EYS: variants seen among roughly 807,000 people sequenced by gnomAD.
EYS encodes protein eyes shut homolog.
A neutral mutation model predicts 282.1 loss-of-function variants in EYS; 250 were observed. The ratio of observed to expected loss-of-function variants is 0.89; its 90% CI spans 0.80 to 0.98. The LOEUF is 0.98. Among genes scored for constraint, EYS ranks in the 50% least tolerant of loss-of-function variants. The pLI is 0.00. For synonymous variants in EYS, 1,355 were observed against 1,282.9 expected (o/e 1.06, Z -1.20); for missense variants, 4,016 against 3,709.0 (o/e 1.08, Z -2.15).
chr6:65,326,944 C>A (rs968094776), intron 11 of EYS, among the ~76,000 whole-genome samples: 4 of 151,512 alleles, frequency 2.6e-5, no homozygotes, highest in African/African-American at 4.8e-5. Flanking sequence ...TTTTTTAAAT[C>A]AATTCTTTTA....
At chr6:63,919,942 C>A (rs144390496) in intron 35 of EYS, among the ~76,000 whole-genome samples, 4 of 152,156 alleles carry the variant, frequency 2.6e-5, no homozygotes, top group East Asian at 1.9e-4. Flanking sequence ...TGTGGCTCTA[C>A]GTAAATTGCG....
chr6:65,553,242 G>C (rs1487515244), intron 2 of EYS, among the ~76,000 whole-genome samples: 1 of 152,162 alleles, frequency 6.6e-6, no homozygotes, highest in Admixed American at 6.5e-5. Context: ...ATTGTAATGT[G>C]AAAAGGATTC....
At chr6:65,387,403 G>T (rs865791662) in intron 7 of EYS, among the ~76,000 whole-genome samples, 1 of 151,594 alleles carries the variant, frequency 6.6e-6, no homozygotes, top group Non-Finnish European at 1.5e-5. Context: ...ATAAAAATCA[G>T]TGAAACAATA....
At chr6:63,900,747 T>C (rs946144986) in intron 35 of EYS, among the ~76,000 whole-genome samples, 1 of 152,222 alleles carries the variant, frequency 6.6e-6, no homozygotes, top group African/African-American at 2.4e-5. Context: ...TTTTTTTTTC[T>C]TTGCTGAATG....
chr6:65,345,880 G>GA (rs926725936), intron 9 of EYS, among the ~76,000 whole-genome samples: 128 of 150,616 alleles, frequency 8.5e-4, no homozygotes, highest in African/African-American at 2.7e-3. Flanking sequence ...ATATAATTAT[G>GA]AAAAAAAAAT....
intron 2 of EYS, among the ~76,000 whole-genome samples, chr6:65,559,006 T>C (rs1285754923): frequency 1.3e-5 from 2 of 152,098 alleles, no homozygotes; most frequent in Non-Finnish European, 2.9e-5. Context: ...GTTAATATTA[T>C]ACAAAATCCA....
chr6:65,618,272 G>A (rs1415961818), intron 2 of EYS, among the ~76,000 whole-genome samples: 1 of 152,250 alleles, frequency 6.6e-6, no homozygotes, highest in South Asian at 2.1e-4. Flanking sequence ...GTATCACATT[G>A]TGGTTTTGGT....
At chr6:63,941,569 A>C (rs1765240581) in intron 35 of EYS, among the ~76,000 whole-genome samples, 1 of 152,182 alleles carries the variant, frequency 6.6e-6, no homozygotes. Flanking sequence ...AGTTCTTTGT[A>C]GATTCTGGAT....
chr6:64,877,009 A>T (rs969808602), intron 19 of EYS, among the ~76,000 whole-genome samples: 1 of 152,274 alleles, frequency 6.6e-6, no homozygotes, highest in African/African-American at 2.4e-5. Flanking sequence ...TTAACATCAG[A>T]AGAGGGAAGA....
chr6:64,031,393 A>C (rs1300418330), intron 33 of EYS, among the ~76,000 whole-genome samples: 1 of 152,150 alleles, frequency 6.6e-6, no homozygotes, highest in Non-Finnish European at 1.5e-5. Flanking sequence ...TGCCTGAGCC[A>C]CACCCCCAAC....
chr6:65,108,563 T>A (rs1400007871), intron 12 of EYS, among the ~76,000 whole-genome samples: 2 of 152,172 alleles, frequency 1.3e-5, no homozygotes, highest in African/African-American at 4.8e-5. Context: ...GGGTTTCTGG[T>A]GAAAAAGACA....
At chr6:64,392,692 A>G (rs1350244162) in intron 28 of EYS, among the ~76,000 whole-genome samples, 2 of 149,322 alleles carry the variant, frequency 1.3e-5, no homozygotes, top group African/African-American at 4.9e-5. Context: ...TGCAAAATTG[A>G]CACCCTAACA....
intron 22 of EYS, among the ~76,000 whole-genome samples, chr6:64,740,329 G>C (rs1236727989): frequency 6.6e-6 from 1 of 151,968 alleles, no homozygotes; most frequent in East Asian, 1.9e-4. Context: ...TTATACTTCA[G>C]TATTAGGTCA....
chr6:65,429,039 G>T (rs1003130691), intron 5 of EYS, among the ~76,000 whole-genome samples: 7 of 152,086 alleles, frequency 4.6e-5, no homozygotes, highest in African/African-American at 1.4e-4. Flanking sequence ...AATTAGCCGG[G>T]CATGGTGGCA....
At chr6:63,760,305 A>T (rs139520932) in intron 41 of EYS, among the ~76,000 whole-genome samples, 1 of 152,182 alleles carries the variant, frequency 6.6e-6, no homozygotes, top group African/African-American at 2.4e-5. Context: ...TATAGTTGTA[A>T]ATCATAAGTT....
chr6:65,530,341 T>C (rs562807869), intron 2 of EYS, among the ~76,000 whole-genome samples: 8 of 152,176 alleles, frequency 5.3e-5, no homozygotes, highest in Admixed American at 1.3e-4. Flanking sequence ...CAATGGCCTG[T>C]GGGACTCCAA....
chr6:64,044,783 T>G lies in EYS; in HGVS notation c.6725+21555A>C, dbSNP rs1018739699. ...TTTATGGTGAGAACATATGATTTAC[T>G]ATGCCAAGCTGTTTTGTTGATTTAG... is the stretch of plus-strand genomic sequence containing the variant. On this transcript the variant is annotated intron_variant, in intron 33 of 42. Coordinates refer to ENST00000503581, the MANE Select transcript of EYS (RefSeq NM_001142800.2). Among the ~76,000 whole-genome samples, 7 of 152,186 alleles carry G rather than the reference T, an allele frequency of 4.6e-5. No individual in the cohort carries two copies. The South Asian group carries it at 1.4e-3, about 31-fold the overall frequency.
Position 64,822,802 on chromosome 6 carries a change from G to A in EYS, c.3013C>T (p.Leu1005=). The part of the protein sequence containing the change: ...GYTGINCEIN[L]DECLSEPCLH... ...CAGGGCTCTGATAGGCATTCATCTA[G>A]ATTTATTTCACAGTTGATGCCTGTG... The change falls in exon 20 of 43, where the codon CTA becomes TTA. Residue 1005 remains leucine (L), a synonymous_variant. Transcript: ENST00000503581. The A allele has an allele frequency of 6.5e-7, 1 of 1,549,380 alleles. No homozygotes were observed. Among genetic ancestry groups the A allele is most frequent in the South Asian group, 1.2e-5 (1 of 83,764 alleles).
intron 22 of EYS, among the ~76,000 whole-genome samples, chr6:64,756,528 AC>A (rs1160728201): frequency 6.6e-6 from 1 of 152,208 alleles, no homozygotes; most frequent in Non-Finnish European, 1.5e-5. Context: ...TTTATCAAGC[AC>A]ATTTATGACA....
Sources: allele counts gnomAD v4.1 joint callset (sites outside exome capture counted in the v4.1 genomes callset), GRCh38; gene constraint gnomAD v4.1.1; transcripts MANE v1.5; gene names NCBI Gene and HGNC (gene_info 2026-07-23, HGNC 2026-07-21).